Variants in ACTR3C observed in about 807,000 individuals in gnomAD.
The protein encoded by ACTR3C is actin related protein 3C.
A neutral mutation model predicts 26.3 loss-of-function variants in ACTR3C; 18 were observed. The ratio of observed to expected loss-of-function variants is 0.68; its 90% CI spans 0.47 to 1.01. The LOEUF (loss-of-function observed/expected upper bound fraction) is 1.01. Among genes scored for constraint, ACTR3C ranks in the 50% least tolerant of loss-of-function variants. The pLI is 0.00. For missense variants in ACTR3C, 184 were observed against 250.7 expected (o/e 0.73, Z 1.80); for synonymous variants, 55 against 94.5 (o/e 0.58, Z 2.42).
At chr7:150,200,113 C>T in the ACTR3C span, among the ~76,000 whole-genome samples, 1 of 152,126 alleles carries the variant, frequency 6.6e-6, no homozygotes, top group Non-Finnish European at 1.5e-5. Context: ...GGTACCATTC[C>T]GATAATGAAG....
chr7:150,202,538 T>C, the ACTR3C span, among the ~76,000 whole-genome samples: 1 of 152,190 alleles, frequency 6.6e-6, no homozygotes, highest in South Asian at 2.1e-4. Context: ...TCATGGATTC[T>C]TTATAGAGTC....
the ACTR3C span, among the ~76,000 whole-genome samples, chr7:149,928,717 C>T: frequency 6.6e-6 from 1 of 151,254 alleles, no homozygotes; most frequent in Admixed American, 6.6e-5. Flanking sequence ...GTGGTGTACA[C>T]CTATAATCCC....
At chr7:150,216,310 T>C in the ACTR3C span, among the ~76,000 whole-genome samples, 1 of 152,224 alleles carries the variant, frequency 6.6e-6, no homozygotes, top group Non-Finnish European at 1.5e-5. Flanking sequence ...CATGGGGATT[T>C]TCTTAACAAT....
chr7:150,042,003 A>G, the ACTR3C span, among the ~76,000 whole-genome samples: 2 of 140,338 alleles, frequency 1.4e-5, no homozygotes, highest in South Asian at 2.4e-4. Flanking sequence ...TAACACCCAC[A>G]GTCCTCCAGG....
chr7:150,180,284 G>A, the ACTR3C span, among the ~76,000 whole-genome samples: 3 of 149,800 alleles, frequency 2.0e-5, no homozygotes, highest in African/African-American at 5.1e-5. Flanking sequence ...CAGCCCGGGC[G>A]ACAGAGCGAG....
chr7:150,260,398 AT>A (rs145579474), intron 6 of ACTR3C, among the ~76,000 whole-genome samples: 4,067 of 152,312 alleles, frequency 0.027, 176 homozygotes, highest in African/African-American at 0.093. Flanking sequence ...GTTCATCCAA[AT>A]GAATTAAAGT....
chr7:149,940,963 A>C, the ACTR3C span, among the ~76,000 whole-genome samples: 1 of 152,072 alleles, frequency 6.6e-6, no homozygotes, highest in Non-Finnish European at 1.5e-5. Flanking sequence ...GGGGCCCCTT[A>C]AGTCTAAGGA....
At chr7:150,207,002 G>T in the ACTR3C span, among the ~76,000 whole-genome samples, 3 of 152,192 alleles carry the variant, frequency 2.0e-5, no homozygotes, top group Non-Finnish European at 2.9e-5. Context: ...TCTATTCTCT[G>T]TGGTTACAAA....
chr7:150,316,617 C>T (rs1446850003), intron 1 of ACTR3C, among the ~76,000 whole-genome samples: 2 of 151,712 alleles, frequency 1.3e-5, no homozygotes, highest in Non-Finnish European at 2.9e-5. Context: ...TCCTGAGCAG[C>T]TGGGACTACA....
the ACTR3C span, among the ~76,000 whole-genome samples, chr7:150,013,811 G>C: frequency 1.3e-5 from 2 of 152,250 alleles, no homozygotes; most frequent in African/African-American, 4.8e-5. Context: ...GAGAAGGGAA[G>C]AGGGCATGAT....
At chr7:150,006,274 G>A in the ACTR3C span, among the ~76,000 whole-genome samples, 1 of 151,590 alleles carries the variant, frequency 6.6e-6, no homozygotes, top group Non-Finnish European at 1.5e-5. Flanking sequence ...TCGGCTCACT[G>A]CAAGCTCCAC....
At chr7:150,096,535 G>A in the ACTR3C span, among the ~76,000 whole-genome samples, 7 of 151,488 alleles carry the variant, frequency 4.6e-5, no homozygotes, top group Admixed American at 1.3e-4. Context: ...GACGGTGAGG[G>A]TAAAAGCAGG....
At chr7:150,090,910 C>T in the ACTR3C span, among the ~76,000 whole-genome samples, 45 of 152,246 alleles carry the variant, frequency 3.0e-4, no homozygotes, top group East Asian at 4.8e-3. Flanking sequence ...AAGTGGCAGC[C>T]GCCTCTGGAG....
intron 1 of ACTR3C, among the ~76,000 whole-genome samples, chr7:150,318,318 T>C (rs1435097543): frequency 2.0e-5 from 3 of 152,152 alleles, no homozygotes; most frequent in Admixed American, 6.5e-5. Flanking sequence ...AACAGAGTCT[T>C]TCCTAGAGCT....
At chr7:150,199,917 G>GA in the ACTR3C span, among the ~76,000 whole-genome samples, 1 of 152,070 alleles carries the variant, frequency 6.6e-6, no homozygotes, top group African/African-American at 2.4e-5. Context: ...CAAGGTACGG[G>GA]AAGTAAGCTA....
the ACTR3C span, among the ~76,000 whole-genome samples, chr7:149,911,267 C>A: frequency 6.6e-6 from 1 of 151,288 alleles, no homozygotes; most frequent in Non-Finnish European, 1.5e-5. Flanking sequence ...AACAAGCAGA[C>A]CAGAAATCAC....
chr7:149,951,519 G>A, the ACTR3C span, among the ~76,000 whole-genome samples: 2 of 150,254 alleles, frequency 1.3e-5, no homozygotes, highest in Non-Finnish European at 1.5e-5. Context: ...TAGGACTCGG[G>A]TCTTTCTTTC....
the ACTR3C span, among the ~76,000 whole-genome samples, chr7:149,904,658 C>T: frequency 1.4e-5 from 2 of 145,986 alleles, no homozygotes; most frequent in Non-Finnish European, 3.0e-5. Flanking sequence ...TTCGTATCCA[C>T]GAAAGTCAAA....
chr7:150,144,695 G>A, the ACTR3C span, among the ~76,000 whole-genome samples: 1 of 152,220 alleles, frequency 6.6e-6, no homozygotes. This position sits in a 1 kb window ranked among gnomAD's most constrained non-coding sequence, Gnocchi z 4.6. Flanking sequence ...TGAAAATGGA[G>A]AATCGAAGTT....
Sources: allele counts gnomAD v4.1 joint callset (sites outside exome capture counted in the v4.1 genomes callset), GRCh38; gene constraint gnomAD v4.1.1; non-coding constraint Gnocchi (gnomAD v3.1); transcripts MANE v1.5; gene names NCBI Gene and HGNC (gene_info 2026-07-23, HGNC 2026-07-21).